Variants in LIFR observed in about 807,000 individuals in gnomAD.
LIFR encodes the protein leukemia inhibitory factor receptor.
A neutral mutation model predicts 122.2 loss-of-function variants in LIFR; 84 were observed. The ratio of observed to expected loss-of-function variants is 0.69; its 90% confidence interval spans 0.58 to 0.82. LIFR has a LOEUF of 0.82. Ranked by LOEUF, LIFR falls within the 40% of genes least tolerant of loss-of-function variation. LIFR has a pLI of 0.00. For synonymous variants in LIFR, 422 were observed against 434.7 expected (o/e 0.97, Z 0.36); for missense variants, 1,294 against 1,311.6 (o/e 0.99, Z 0.21).
At chr5:38,514,100 G>A (rs1329291867) in intron 5 of LIFR, among the ~76,000 whole-genome samples, 1 of 151,792 alleles carries the variant, frequency 6.6e-6, no homozygotes, top group African/African-American at 2.4e-5. Context: ...ATAGCAGGAT[G>A]CAAAATCCAG....
chr5:38,548,210 A>T (rs528095949), intron 1 of LIFR, among the ~76,000 whole-genome samples: 5 of 152,292 alleles, frequency 3.3e-5, no homozygotes, highest in Admixed American at 1.3e-4. Flanking sequence ...ATTATCCTTC[A>T]CAGAAGATAT....
At chr5:38,500,876 T>C (rs1745138602) in intron 11 of LIFR, among the ~76,000 whole-genome samples, 1 of 152,186 alleles carries the variant, frequency 6.6e-6, no homozygotes, top group Admixed American at 6.5e-5. Flanking sequence ...CTTCCGATTT[T>C]AGAGCATAAA....
intron 1 of LIFR, among the ~76,000 whole-genome samples, chr5:38,581,886 C>T (rs183225578): frequency 3.7e-4 from 57 of 152,264 alleles, no homozygotes; most frequent in African/African-American, 1.3e-3. Context: ...AATGCCACCA[C>T]ACATTCCTCC....
Position 38,481,290 on chromosome 5 carries a change from T to A in LIFR, c.*305A>T. On this transcript the variant is annotated 3_prime_UTR_variant, in exon 20 of 20. Transcript: ENST00000453190. ...CAGTTGCGGCGGGATTTGTTTTACATGTACGTACAAGTAGGTATTAGCCTT... is the reference window on the plus strand; with the variant it reads ...CAGTTGCGGCGGGATTTGTTTTACAAGTACGTACAAGTAGGTATTAGCCTT... The A allele has an allele frequency of 2.3e-6, 1 of 440,118 alleles. No individual in the cohort carries two copies. Among genetic ancestry groups the A allele is most frequent in the Non-Finnish European group, 4.1e-6 (1 of 242,272 alleles). 27.3% of individuals were successfully genotyped at this position (440,118 alleles called of 1,614,324 possible). A position where few individuals can be genotyped will look rare whatever the true frequency, so the allele number is the denominator to read the frequency against.
intron 13 of LIFR, 94 bp from the exon 14 acceptor site, chr5:38,493,879 A>C (rs898420183): frequency 8.2e-6 from 8 of 981,026 alleles, no homozygotes; most frequent in Non-Finnish European, 1.3e-5. Flanking sequence ...AAATCACTTC[A>C]TTGTGAAGAA....
chr5:38,566,106 T>A (rs989740832), intron 1 of LIFR, among the ~76,000 whole-genome samples: 2 of 152,210 alleles, frequency 1.3e-5, no homozygotes, highest in Non-Finnish European at 2.9e-5. Flanking sequence ...AAATTAATTT[T>A]TATTGCTTTC....
In LIFR at chr5:38,539,942, A is replaced by G. The variant is rs553192498; in HGVS notation, c.-19-9276T>C. On this transcript the variant is annotated intron_variant, in intron 1 of 19. Coordinates refer to ENST00000453190, the MANE Select transcript of LIFR (RefSeq NM_001127671.2). ...CAATCCTATAAGGTCGGTATTATTC[A>G]TATTATTTCCCTCTTTTTATAATAA... 4.6e-5 allele frequency among the ~76,000 whole-genome samples: 7 copies of G among 152,316 alleles called. No homozygotes were observed. The South Asian group carries it at 1.0e-3, about 23-fold the overall frequency.
At chr5:38,527,061 A>C in intron 4 of LIFR, 94 bp downstream of exon 4, 1 of 1,130,342 alleles carries the variant, frequency 8.8e-7, no homozygotes, top group Non-Finnish European at 1.3e-6. Context: ...AAGTAATAGC[A>C]TAACACATGA....
chr5:38,499,871 T>C (rs994870594), intron 11 of LIFR, among the ~76,000 whole-genome samples: 4 of 152,162 alleles, frequency 2.6e-5, no homozygotes, highest in Admixed American at 6.5e-5. Flanking sequence ...ACACACTGGC[T>C]TCCTGGCTGT....
chr5:38,488,922 CT>C (rs1744426909), intron 16 of LIFR, among the ~76,000 whole-genome samples, 155 bp downstream of exon 16: 1 of 152,176 alleles, frequency 6.6e-6, no homozygotes, highest in African/African-American at 2.4e-5. Flanking sequence ...TCTTAAAACT[CT>C]TATATTCATA....
At chr5:38,568,687 C>A (rs567903132) in intron 1 of LIFR, among the ~76,000 whole-genome samples, 73 of 152,256 alleles carry the variant, frequency 4.8e-4, no homozygotes, top group African/African-American at 1.7e-3. Flanking sequence ...ACTTTTTCTT[C>A]TCCTTCATTT....
chr5:38,481,751 T>G lies in LIFR; in HGVS notation c.3138A>C (p.Arg1046Ser). The G allele has an allele frequency of 6.2e-7, 1 of 1,614,128 alleles. No homozygotes were observed. Among genetic ancestry groups the G allele is most frequent in the South Asian group, 1.1e-5 (1 of 91,080 alleles). ...CAATCTCACTGTTGCTGTCTATGGA[T>G]CTAGGAGAGTCTGGAGACACTAAAT... ...TWNLVSPDSP[R>S]SIDSNSEIVS... The change falls in exon 20 of 20, where the codon AGA (arginine) becomes AGC (serine). Residue 1046 changes from arginine to serine, a missense_variant. Arg to Ser is a moderately radical substitution (Grantham distance 110, BLOSUM62 -1). Coordinates refer to ENST00000453190, the MANE Select transcript of LIFR (RefSeq NM_001127671.2).
intron 14 of LIFR, 34 bp from the exon 15 acceptor site, chr5:38,490,325 A>G: frequency 1.1e-6 from 1 of 888,074 alleles, no homozygotes; most frequent in Non-Finnish European, 1.9e-6. Context: ...ACTTTCATAA[A>G]TATATTACTA....
Position 38,504,081 on chromosome 5 carries a change from A to C in LIFR, c.1332T>G (p.Ile444Met). 6.3e-7 allele frequency: 1 copy of C among 1,586,046 alleles called. No individual in the cohort carries two copies. The highest frequency in any genetic ancestry group is 8.7e-7 in the Non-Finnish European group (1 of 1,154,638). The change falls in exon 10 of 20, where the codon ATT (isoleucine) becomes ATG (methionine). Residue 444 changes from isoleucine (I) to methionine (M), a missense_variant. Coordinates refer to ENST00000453190, the MANE Select transcript of LIFR (RefSeq NM_001127671.2). Reference sequence around the variant, plus strand: ...AAGAAAGTTTAACAGCTGTTGAATTAATATCCTTCACTTTGAATGAAGTAG... The same window carrying C: ...AAGAAAGTTTAACAGCTGTTGAATTCATATCCTTCACTTTGAATGAAGTAG... ...HTPTSFKVKD[I>M]NSTAVKLSWH... is the part of the protein sequence containing the mutation.
At chr5:38,533,846 G>A (rs1747151525) in intron 1 of LIFR, among the ~76,000 whole-genome samples, 1 of 152,166 alleles carries the variant, frequency 6.6e-6, no homozygotes, top group African/African-American at 2.4e-5. Flanking sequence ...GGCAACACCT[G>A]CACAGTCAGG....
At chr5:38,483,089 A>C (rs969389903) in intron 18 of LIFR, among the ~76,000 whole-genome samples, 3 of 152,130 alleles carry the variant, frequency 2.0e-5, no homozygotes, top group Non-Finnish European at 4.4e-5. Context: ...AAAGGCTATT[A>C]ATCTTGACCA....
intron 2 of LIFR, among the ~76,000 whole-genome samples, chr5:38,605,691 A>T (rs1388178765): frequency 6.6e-6 from 1 of 152,192 alleles, no homozygotes; most frequent in Non-Finnish European, 1.5e-5. Context: ...TTCCCTGTGG[A>T]CAAAGGACAG....
At chr5:38,577,662 A>T (rs1246038208) in intron 1 of LIFR, among the ~76,000 whole-genome samples, 1 of 152,160 alleles carries the variant, frequency 6.6e-6, no homozygotes, top group African/African-American at 2.4e-5. Flanking sequence ...TAGCTCTGTA[A>T]CCAATGTTTG....
intron 1 of LIFR, chr5:38,555,158 AGT>A (rs1748448931): frequency 6.6e-6 from 1 of 152,240 alleles, no homozygotes; most frequent in African/African-American, 2.4e-5. Flanking sequence ...TAAAGCATAA[AGT>A]CAACGTAGAA....
Sources: gnomAD v4.1 joint callset for allele counts (sites outside exome capture counted in the v4.1 genomes callset) on GRCh38, gnomAD v4.1.1 for gene constraint, MANE v1.5 for transcripts, NCBI Gene and HGNC (gene_info 2026-07-23, HGNC 2026-07-21) for gene names.